Variants in CPAMD8 observed in about 807,000 individuals in gnomAD.
CPAMD8 encodes the protein C3 and PZP like alpha-2-macroglobulin domain containing 8.
Under a neutral mutation model 224.7 loss-of-function variants are expected in CPAMD8, and 146 were observed. The ratio of observed to expected loss-of-function variants is 0.65; its 90% CI spans 0.57 to 0.75. CPAMD8 has a LOEUF of 0.75. Ranked by LOEUF, CPAMD8 falls within the 30% of genes least tolerant of loss-of-function variation. CPAMD8 has a pLI of 0.00. For missense variants in CPAMD8, 2,301 were observed against 2,537.5 expected (o/e 0.91, Z 2.00); for synonymous variants, 966 against 1,044.6 (o/e 0.92, Z 1.45).
intron 41 of CPAMD8, chr19:16,894,465 T>A: frequency 2.2e-6 from 1 of 456,626 alleles, no homozygotes; most frequent in South Asian, 1.5e-5. Context: ...AAGATTCCTA[T>A]GGGGCCGCCA....
At chr19:16,974,961 C>T (rs531741564) in intron 17 of CPAMD8, 136 bp downstream of exon 17, 229 of 1,200,802 alleles carry the variant, frequency 1.9e-4, no homozygotes, top group East Asian at 4.9e-4. Context: ...GGCCACAGAG[C>T]GAGACCCCAT....
At chr19:16,988,919 A>G (rs552299484) in intron 13 of CPAMD8, among the ~76,000 whole-genome samples, 30 of 152,292 alleles carry the variant, frequency 2.0e-4, no homozygotes, top group African/African-American at 6.3e-4. Context: ...CAGTGGCAGC[A>G]TTAGATTCTC....
At chr19:17,010,326 C>T (rs2056611824) in intron 5 of CPAMD8, among the ~76,000 whole-genome samples, 1 of 152,066 alleles carries the variant, frequency 6.6e-6, no homozygotes, top group Non-Finnish European at 1.5e-5. Flanking sequence ...CCTCGAACTC[C>T]TGGGCTCAAG....
intron 20 of CPAMD8, among the ~76,000 whole-genome samples, chr19:16,950,625 C>T (rs571602307): frequency 4.6e-5 from 7 of 151,544 alleles, no homozygotes; most frequent in Non-Finnish European, 8.8e-5. Flanking sequence ...GCCATCTCTA[C>T]GAAAATAAAA....
At chr19:16,954,357 G>T (rs1488455248) in intron 19 of CPAMD8, among the ~76,000 whole-genome samples, 1 of 150,578 alleles carries the variant, frequency 6.6e-6, no homozygotes. Context: ...AGAAAAGAAA[G>T]AAAAAGAGAA....
intron 3 of CPAMD8, among the ~76,000 whole-genome samples, chr19:17,013,073 C>G (rs1056224968): frequency 1.3e-5 from 2 of 151,814 alleles, no homozygotes; most frequent in Non-Finnish European, 2.9e-5. Flanking sequence ...CCCAGCTACT[C>G]GGGAGGCTGA....
intron 22 of CPAMD8, among the ~76,000 whole-genome samples, chr19:16,944,840 T>C (rs1276172713): frequency 2.0e-5 from 3 of 152,128 alleles, no homozygotes; most frequent in Non-Finnish European, 4.4e-5. Flanking sequence ...AGCAGCTGTT[T>C]GCAGCTGGGC....
rs955963341 is a variant in CPAMD8, at chr19:16,976,230, C to T, written c.1759-79G>A. On this transcript the variant is annotated intron_variant, in intron 15 of 41. Transcript: ENST00000443236. ...GTGGCTCACGCCTGTAATCCCAACA[C>T]TTTGGGAGGCCGAGGCGGGTGGATC... The T allele has an allele frequency of 2.5e-5, 30 of 1,219,610 alleles. No individual in the cohort carries two copies. In the Admixed American group the frequency reaches 4.2e-4, roughly 17 times the overall value. 75.5% of individuals were successfully genotyped at this position (1,219,610 alleles called of 1,614,324 possible).
chr19:16,997,317 C>T lies in CPAMD8; in HGVS notation c.889G>A (p.Asp297Asn), dbSNP rs61744199. The change falls in exon 11 of 42, where the codon GAC becomes AAC. Residue 297 changes from aspartate to asparagine, a missense_variant. This residue lies in a region of CPAMD8 where 301 missense variants were observed against 406.6 expected (regional missense o/e 0.74). Coordinates refer to ENST00000443236, the MANE Select transcript of CPAMD8 (RefSeq NM_015692.5). ...TTKILGSRDF[D>N]ICVRDMIPAD... is the part of the protein sequence containing the mutation. The stretch of plus-strand genomic sequence containing the variant: ...GGGATCATGTCCCTCACGCAGATGT[C>T]GAAGTCCCGGGAGCCGAGGATCTGG... 0.011 allele frequency: 16,651 copies of T among 1,578,920 alleles called. 114 individuals carry two copies. Among genetic ancestry groups the T allele is most frequent in the Non-Finnish European group, 0.012 (14,271 of 1,156,902 alleles).
chr19:16,906,404 T>TTCTTTCTC (rs1568459895), intron 30 of CPAMD8, among the ~76,000 whole-genome samples: 15 of 83,966 alleles, frequency 1.8e-4, no homozygotes, highest in African/African-American at 7.1e-4. Flanking sequence ...CTTTCTTTCT[T>TTCTTTCTC]TCTTTCCTTC....
intron 18 of CPAMD8, among the ~76,000 whole-genome samples, chr19:16,961,943 A>G (rs1318490821): frequency 2.0e-5 from 3 of 152,230 alleles, no homozygotes; most frequent in African/African-American, 7.2e-5. Flanking sequence ...CCTGCAGCTG[A>G]GAGACCTGAC....
chr19:16,938,586 C>A, intron 22 of CPAMD8, 140 bp from the exon 23 acceptor site: 1 of 599,372 alleles, frequency 1.7e-6, no homozygotes, highest in Non-Finnish European at 2.9e-6. Context: ...GTGGTATCAG[C>A]ACGGTCACAC....
At chr19:16,986,884 G>A (rs140781628) in intron 13 of CPAMD8, among the ~76,000 whole-genome samples, 1,657 of 151,966 alleles carry the variant, frequency 0.011, 21 homozygotes, top group African/African-American at 0.029. Flanking sequence ...GGCCAGGCGC[G>A]GTGGCTCACG....
At chr19:16,933,419 T>A (rs2053600566) in intron 23 of CPAMD8, among the ~76,000 whole-genome samples, 1 of 152,182 alleles carries the variant, frequency 6.6e-6, no homozygotes, top group Admixed American at 6.5e-5. Context: ...GGGAGAAATA[T>A]TTTTGCAAAG....
intron 11 of CPAMD8, among the ~76,000 whole-genome samples, chr19:16,996,350 A>G (rs1422289295): frequency 2.6e-5 from 4 of 151,848 alleles, no homozygotes; most frequent in Non-Finnish European, 5.9e-5. Context: ...AGAAGAAAAC[A>G]TATATAAGGA....
chr19:17,022,998 C>G (rs1219149247), intron 1 of CPAMD8, among the ~76,000 whole-genome samples: 1 of 152,080 alleles, frequency 6.6e-6, no homozygotes, highest in South Asian at 2.1e-4. Context: ...GCAACAGTGA[C>G]AGACCAGGAT....
chr19:16,907,781 AT>A (rs1416830908), intron 29 of CPAMD8: 1 of 152,134 alleles, frequency 6.6e-6, no homozygotes, highest in Non-Finnish European at 1.5e-5. Context: ...CTAACATTTT[AT>A]TTTTTGTAGA....
intron 10 of CPAMD8, among the ~76,000 whole-genome samples, chr19:16,998,042 T>G (rs1204480508): frequency 6.6e-6 from 1 of 152,178 alleles, no homozygotes; most frequent in South Asian, 2.1e-4. Flanking sequence ...ATGAGAGAAC[T>G]AAGTCAAAGA....
rs368705753 is a variant in CPAMD8 at position 16,895,923 on chromosome 19, A to G, written c.5426+253T>C. 2.3e-3 allele frequency: 1,340 copies of G among 595,222 alleles called. 17 individuals are homozygous for G. The highest frequency in any genetic ancestry group is 0.02 in the African/African-American group (1,014 of 51,248). The allele number at this position is 595,222 out of a possible 1,614,324, so 36.9% of individuals were successfully genotyped here. A position where few individuals can be genotyped will look rare whatever the true frequency, so the allele number is the denominator to read the frequency against. On this transcript the variant is annotated intron_variant, in intron 41 of 41. Transcript: ENST00000443236. The stretch of plus-strand genomic sequence containing the variant: ...CGCACGCACACACACACACACACAC[A>G]CACACGCGCGCGTGCGCCCGCGCAC...
Sources: gnomAD v4.1 joint callset for allele counts (sites outside exome capture counted in the v4.1 genomes callset) on GRCh38, gnomAD v4.1.1 for gene constraint, gnomAD v4.1.1 regional missense constraint, MANE v1.5 for transcripts, NCBI Gene and HGNC (gene_info 2026-07-23, HGNC 2026-07-21) for gene names.